The following NKAIN2 variants were observed in gnomAD, a reference collection of about 807,000 sequenced individuals.
The protein encoded by NKAIN2 is sodium/potassium transporting ATPase interacting 2.
In NKAIN2, 14 loss-of-function variants were observed where a neutral mutation model predicts 32.6. That is an observed-to-expected ratio of 0.43 (90% CI 0.28 to 0.67). The LOEUF (loss-of-function observed/expected upper bound fraction) is 0.67, where lower values mean the gene tolerates loss of function less well. Among genes scored for constraint, NKAIN2 ranks in the 30% least tolerant of loss-of-function variants. The probability of loss-of-function intolerance (pLI) is 0.17; values close to 1 mark genes in which losing one functional copy is unlikely to be tolerated. For missense variants in NKAIN2, 198 were observed against 258.3 expected (o/e 0.77, Z 1.60); for synonymous variants, 80 against 87.2 (o/e 0.92, Z 0.46).
chr6:123,882,581 T>G (rs954337867), intron 1 of NKAIN2, among the ~76,000 whole-genome samples: 15 of 152,230 alleles, frequency 9.9e-5, no homozygotes, highest in African/African-American at 3.6e-4. Context: ...ATTTCATATA[T>G]GTGTATGTTT....
chr6:124,227,222 G>A (rs1053430722), intron 1 of NKAIN2, among the ~76,000 whole-genome samples: 1 of 151,988 alleles, frequency 6.6e-6, no homozygotes, highest in South Asian at 2.1e-4. Context: ...TGTGGGGTTT[G>A]GACTGTGGAT....
intron 1 of NKAIN2, among the ~76,000 whole-genome samples, chr6:124,009,420 C>A (rs1780220852): frequency 6.6e-6 from 1 of 152,184 alleles, no homozygotes; most frequent in Admixed American, 6.5e-5. Flanking sequence ...AGGTAGTCTG[C>A]TTTATTGCTT....
intron 2 of NKAIN2, among the ~76,000 whole-genome samples, chr6:124,301,319 T>C (rs9482529): frequency 0.17 from 25,155 of 152,130 alleles, 2,650 homozygotes; most frequent in African/African-American, 0.29. Flanking sequence ...TCAGAGGATG[T>C]ATGGAAATGC....
rs561579253 is a variant in NKAIN2, at chr6:124,679,142, C to A, written c.474+20756C>A. On this transcript the variant is annotated intron_variant, in intron 4 of 6. Coordinates refer to ENST00000368417, the MANE Select transcript of NKAIN2 (RefSeq NM_001040214.3). ...AAGAGAGAAGCCAGTCCCTGGACAG[C>A]CCACCCCCAAAAAATAATCCTGAAT... Among the ~76,000 whole-genome samples the A allele has an allele frequency of 3.3e-5, 5 of 151,914 alleles. No homozygotes were observed. The East Asian group carries it at 9.8e-4, about 30-fold the overall frequency.
At chr6:123,939,885 C>A (rs1340862475) in intron 1 of NKAIN2, among the ~76,000 whole-genome samples, 1 of 151,892 alleles carries the variant, frequency 6.6e-6, no homozygotes, top group African/African-American at 2.4e-5. Flanking sequence ...CAATGCTAAA[C>A]TCCTTGAAGA....
intron 4 of NKAIN2, among the ~76,000 whole-genome samples, chr6:124,700,275 A>G (rs1774710223): frequency 6.6e-6 from 1 of 152,168 alleles, no homozygotes; most frequent in Non-Finnish European, 1.5e-5. Flanking sequence ...ATATTTTAAT[A>G]GGATCTCACC....
At chr6:124,437,890 T>TC (rs1775525480) in intron 3 of NKAIN2, 4 of 415,956 alleles carry the variant, frequency 9.6e-6, no homozygotes, top group South Asian at 7.0e-5. Context: ...TTTTTTTTTT[T>TC]TCTTAACCCC....
chr6:124,298,792 A>C (rs964244568), intron 2 of NKAIN2, among the ~76,000 whole-genome samples: 2 of 152,164 alleles, frequency 1.3e-5, no homozygotes, highest in African/African-American at 4.8e-5. Context: ...GGATGCTATC[A>C]TTAAACCACT....
intron 3 of NKAIN2, among the ~76,000 whole-genome samples, chr6:124,381,899 A>T (rs1323931374): frequency 6.6e-6 from 1 of 152,200 alleles, no homozygotes; most frequent in Admixed American, 6.5e-5. Context: ...ATGAAAGCAC[A>T]CATTTTGTGT....
At chr6:124,815,571 A>G (rs899741298) in intron 5 of NKAIN2, among the ~76,000 whole-genome samples, 3 of 151,350 alleles carry the variant, frequency 2.0e-5, no homozygotes, top group Admixed American at 2.0e-4. Flanking sequence ...CACCCAGCCA[A>G]TAATTTTTTT....
chr6:123,950,025 A>T (rs932107271), intron 1 of NKAIN2, among the ~76,000 whole-genome samples: 2 of 151,766 alleles, frequency 1.3e-5, no homozygotes, highest in South Asian at 2.1e-4. Context: ...ATTTTATCAA[A>T]TTTTTTTGCA....
intron 4 of NKAIN2, among the ~76,000 whole-genome samples, chr6:124,791,113 C>T (rs968916893): frequency 6.6e-6 from 1 of 152,142 alleles, no homozygotes; most frequent in Non-Finnish European, 1.5e-5. Context: ...AAATCTTACA[C>T]ATAAATGCAG....
At chr6:124,467,949 A>G (rs1776828715) in intron 3 of NKAIN2, among the ~76,000 whole-genome samples, 1 of 152,050 alleles carries the variant, frequency 6.6e-6, no homozygotes, top group Non-Finnish European at 1.5e-5. Flanking sequence ...CAGTTTCTTC[A>G]AGTATATGTT....
At chr6:123,838,498 G>C (rs1480363658) in intron 1 of NKAIN2, among the ~76,000 whole-genome samples, 8 of 152,028 alleles carry the variant, frequency 5.3e-5, no homozygotes, top group Admixed American at 5.2e-4. Flanking sequence ...GTTTTTACTT[G>C]AGTTATGTCA....
At chr6:123,981,148 T>G (rs1447923255) in intron 1 of NKAIN2, among the ~76,000 whole-genome samples, 1 of 152,208 alleles carries the variant, frequency 6.6e-6, no homozygotes. Context: ...ATTGCAGGCG[T>G]GAGCCACCAC....
intron 4 of NKAIN2, among the ~76,000 whole-genome samples, chr6:124,660,613 T>C (rs1784712497): frequency 6.6e-6 from 1 of 152,184 alleles, no homozygotes; most frequent in African/African-American, 2.4e-5. Flanking sequence ...AAGGAATAGT[T>C]TGAGTAAACC....
At chr6:124,819,087 CAA>C in intron 6 of NKAIN2, 1 of 930,712 alleles carries the variant, frequency 1.1e-6, no homozygotes, top group Non-Finnish European at 1.3e-6. Flanking sequence ...TGTGTTTAGG[CAA>C]ATTCCCTTGG....
chr6:124,192,753 T>TG (rs1562413466), intron 1 of NKAIN2, among the ~76,000 whole-genome samples: 1 of 136,760 alleles, frequency 7.3e-6, no homozygotes, highest in African/African-American at 2.8e-5. Flanking sequence ...TTTTTTTTTT[T>TG]TTTTTTTTTT....
chr6:124,490,411 G>GGT (rs1777815890), intron 3 of NKAIN2: 1 of 231,770 alleles, frequency 4.3e-6, no homozygotes, highest in South Asian at 3.7e-5. Flanking sequence ...GAATCATAGA[G>GGT]GTTTTTTTTT....
Sources: allele counts gnomAD v4.1 joint callset (sites outside exome capture counted in the v4.1 genomes callset), GRCh38; gene constraint gnomAD v4.1.1; transcripts MANE v1.5; gene names NCBI Gene and HGNC (gene_info 2026-07-23, HGNC 2026-07-21).